Variants in SHISA6 observed in about 807,000 individuals in gnomAD.
The protein encoded by SHISA6 is protein shisa-6.
Under a neutral mutation model 47.9 loss-of-function variants are expected in SHISA6, and 22 were observed. The observed-to-expected ratio is 0.46, with a 90% CI of 0.33 to 0.66. SHISA6 has a LOEUF of 0.66. Ranked by LOEUF, SHISA6 falls within the 30% of genes least tolerant of loss-of-function variation. SHISA6 has a pLI of 0.02. For synonymous variants in SHISA6, 388 were observed against 337.8 expected (o/e 1.15, Z -1.63); for missense variants, 680 against 764.6 (o/e 0.89, Z 1.30).
At chr17:11,268,568 A>G (rs1212817853) in intron 2 of SHISA6, among the ~76,000 whole-genome samples, 1 of 152,224 alleles carries the variant, frequency 6.6e-6, no homozygotes, top group Non-Finnish European at 1.5e-5. Flanking sequence ...CTGTTGCTCA[A>G]GCAGCACTGT....
At position 11,524,961 on chromosome 17, in the gene SHISA6, C is replaced by CG. The variant is rs57883932; in HGVS notation, c.896-26928dup. ...CTACACAGTTGAAACCCTGAGATGA[C>CG]GGGGGGGTAGATGATCCTTTCATGT... On this transcript the variant is annotated intron_variant, in intron 3 of 5. Transcript: ENST00000441885. Among the ~76,000 whole-genome samples, 646 of 152,000 alleles carry CG rather than the reference C, an allele frequency of 4.3e-3. 3 individuals are homozygous for CG. Among genetic ancestry groups the CG allele is most frequent in the African/African-American group, 0.014 (560 of 41,410 alleles).
chr17:11,365,549 A>T (rs1359624573), intron 2 of SHISA6, among the ~76,000 whole-genome samples: 1 of 152,184 alleles, frequency 6.6e-6, no homozygotes, highest in East Asian at 1.9e-4. Context: ...AAATGCTAGG[A>T]TTACAGGCGT....
chr17:11,265,064 A>G (rs1301598290), intron 2 of SHISA6, among the ~76,000 whole-genome samples: 4 of 152,186 alleles, frequency 2.6e-5, no homozygotes, highest in African/African-American at 4.8e-5. Context: ...AATAGAAGGA[A>G]TCTTGGCAAA....
At chr17:11,261,743 C>T (rs897595263) in intron 1 of SHISA6, among the ~76,000 whole-genome samples, 3 of 152,170 alleles carry the variant, frequency 2.0e-5, no homozygotes, top group Admixed American at 2.0e-4. Context: ...TACCCTTTGG[C>T]TGTTATTAAT....
intron 2 of SHISA6, among the ~76,000 whole-genome samples, chr17:11,324,309 T>G (rs1910804871): frequency 6.6e-6 from 1 of 152,136 alleles, no homozygotes; most frequent in Admixed American, 6.5e-5. Context: ...AACACAGCAT[T>G]TAGAAGGAAA....
intron 5 of SHISA6, 96 bp from the exon 6 acceptor site, chr17:11,557,658 G>A (rs2071994210): frequency 2.5e-6 from 3 of 1,213,166 alleles, no homozygotes; most frequent in Non-Finnish European, 3.4e-6. Flanking sequence ...AAGGTTGACA[G>A]GTCTGTGATG....
chr17:11,509,974 G>C (rs1223749287), intron 3 of SHISA6, among the ~76,000 whole-genome samples: 1 of 152,106 alleles, frequency 6.6e-6, no homozygotes, highest in Non-Finnish European at 1.5e-5. Context: ...GATGGGAGAG[G>C]TAAGAAGGCA....
intron 3 of SHISA6, among the ~76,000 whole-genome samples, chr17:11,490,023 C>T (rs545569777): frequency 6.6e-6 from 1 of 152,210 alleles, no homozygotes; most frequent in East Asian, 1.9e-4. Flanking sequence ...CAGCTACAGG[C>T]AAATGAAATC....
chr17:11,476,342 G>T, intron 3 of SHISA6, among the ~76,000 whole-genome samples: 1 of 151,362 alleles, frequency 6.6e-6, no homozygotes, highest in East Asian at 1.9e-4. Context: ...GAGTTAATTT[G>T]CTCTTCTTTA....
At chr17:11,314,129 C>T (rs893592301) in intron 2 of SHISA6, among the ~76,000 whole-genome samples, 1 of 151,962 alleles carries the variant, frequency 6.6e-6, no homozygotes, top group African/African-American at 2.4e-5. Context: ...GCCCTTGTTT[C>T]TTTATTGGTT....
intron 3 of SHISA6, among the ~76,000 whole-genome samples, chr17:11,450,322 T>A (rs1915357987): frequency 6.6e-6 from 1 of 152,174 alleles, no homozygotes; most frequent in Non-Finnish European, 1.5e-5. Context: ...GGGTCAGGAC[T>A]TCAACATATC....
intron 2 of SHISA6, among the ~76,000 whole-genome samples, chr17:11,267,358 A>G (rs1002580621): frequency 6.6e-6 from 1 of 152,176 alleles, no homozygotes; most frequent in Non-Finnish European, 1.5e-5. Context: ...ACTGAATCTG[A>G]AGCTGCATTT....
intron 2 of SHISA6, among the ~76,000 whole-genome samples, chr17:11,275,481 G>A (rs994652956): frequency 1.3e-5 from 2 of 152,172 alleles, no homozygotes; most frequent in African/African-American, 2.4e-5. Context: ...GATGTCAAGC[G>A]TCAGCAATAC....
At chr17:11,513,835 A>C (rs2071561133) in intron 3 of SHISA6, among the ~76,000 whole-genome samples, 1 of 152,206 alleles carries the variant, frequency 6.6e-6, no homozygotes, top group African/African-American at 2.4e-5. Flanking sequence ...GAGACCGAGT[A>C]TATAAACCAG....
chr17:11,246,717 T>C lies in SHISA6; in HGVS notation c.638+4657T>C, dbSNP rs568995963. Among the ~76,000 whole-genome samples the C allele has an allele frequency of 2.1e-3, 316 of 152,330 alleles. 1 individual carries two copies. Among genetic ancestry groups the C allele is most frequent in the Non-Finnish European group, 3.4e-3 (231 of 68,034 alleles). ...CCACAGGCTTGGTTTGTCCTGACTC[T>C]TGCAGACACACGCAGACATTCACTT... is the stretch of plus-strand genomic sequence containing the variant. On this transcript the variant is annotated intron_variant, in intron 1 of 5. Coordinates refer to ENST00000441885, the MANE Select transcript of SHISA6 (RefSeq NM_207386.4).
intron 2 of SHISA6, among the ~76,000 whole-genome samples, chr17:11,300,153 A>C (rs1597446724): frequency 1.3e-5 from 2 of 149,752 alleles, no homozygotes; most frequent in African/African-American, 4.9e-5. Context: ...TTAAAACAAA[A>C]AAAAAAAAAA....
intron 1 of SHISA6, among the ~76,000 whole-genome samples, chr17:11,246,193 TA>T (rs367667577): frequency 1.9e-4 from 28 of 150,126 alleles, no homozygotes; most frequent in Non-Finnish European, 2.7e-4. Flanking sequence ...TTCTTTGAGT[TA>T]AAAAAAAAAT....
At chr17:11,271,119 G>A (rs1908631547) in intron 2 of SHISA6, among the ~76,000 whole-genome samples, 1 of 152,090 alleles carries the variant, frequency 6.6e-6, no homozygotes, top group African/African-American at 2.4e-5. Context: ...GTGTGAAACA[G>A]GGTGTGCTCA....
At chr17:11,547,560 G>A (rs1337452592) in intron 3 of SHISA6, among the ~76,000 whole-genome samples, 1 of 152,188 alleles carries the variant, frequency 6.6e-6, no homozygotes, top group Non-Finnish European at 1.5e-5. Flanking sequence ...AATAGTGCCA[G>A]AGAGAAATTC....
Sources: allele counts gnomAD v4.1 joint callset (sites outside exome capture counted in the v4.1 genomes callset), GRCh38; gene constraint gnomAD v4.1.1; transcripts MANE v1.5; gene names NCBI Gene and HGNC (gene_info 2026-07-23, HGNC 2026-07-21).